ITGBL1: variants seen among roughly 807,000 people sequenced by gnomAD.
ITGBL1 encodes the protein integrin subunit beta like 1.
Under a neutral mutation model 68.5 loss-of-function variants are expected in ITGBL1, and 51 were observed. That is an observed-to-expected ratio of 0.74 (90% CI 0.59 to 0.94). The LOEUF is 0.94. Ranked by LOEUF, ITGBL1 falls within the 40% of genes least tolerant of loss-of-function variation. The pLI is 0.00. For synonymous variants in ITGBL1, 209 were observed against 227.3 expected, an observed-to-expected ratio of 0.92 and a Z score of 0.72; for missense variants, 649 against 647.4, an observed-to-expected ratio of 1.00 and a Z score of -0.03.
At chr13:101,593,808 A>G (rs1486410030) in intron 6 of ITGBL1, among the ~76,000 whole-genome samples, 1 of 152,086 alleles carries the variant, frequency 6.6e-6, no homozygotes, top group East Asian at 1.9e-4. Context: ...CCAAGTTACA[A>G]TCAGATAGCA....
intron 7 of ITGBL1, among the ~76,000 whole-genome samples, chr13:101,660,593 C>A (rs1473869441): frequency 6.6e-6 from 1 of 152,132 alleles, no homozygotes; most frequent in East Asian, 1.9e-4. Flanking sequence ...ATCTTCCTAA[C>A]CTGGTGGCCT....
intron 7 of ITGBL1, among the ~76,000 whole-genome samples, chr13:101,675,682 T>C (rs1009220074): frequency 6.6e-6 from 1 of 152,174 alleles, no homozygotes; most frequent in African/African-American, 2.4e-5. Context: ...CTTCAACATA[T>C]AAATTTAGGG....
intron 7 of ITGBL1, among the ~76,000 whole-genome samples, chr13:101,600,129 G>T (rs1205249133): frequency 6.6e-6 from 1 of 152,116 alleles, no homozygotes; most frequent in African/African-American, 2.4e-5. Context: ...GTGGTTTGTA[G>T]TTCTCCTTGA....
intron 2 of ITGBL1, among the ~76,000 whole-genome samples, chr13:101,471,799 T>TG (rs2048464985): frequency 6.6e-6 from 1 of 150,886 alleles, no homozygotes; most frequent in African/African-American, 2.5e-5. Context: ...CAAACATCAC[T>TG]GGGCAAAAGG....
chr13:101,631,506 C>A (rs1025315731), intron 7 of ITGBL1, among the ~76,000 whole-genome samples: 1 of 152,044 alleles, frequency 6.6e-6, no homozygotes, highest in Non-Finnish European at 1.5e-5. Flanking sequence ...CACAGAGAAA[C>A]TGCAGAAGAG....
intron 7 of ITGBL1, among the ~76,000 whole-genome samples, chr13:101,648,390 T>C (rs1262835087): frequency 1.3e-5 from 2 of 152,182 alleles, no homozygotes; most frequent in Non-Finnish European, 2.9e-5. Context: ...ACTCAAGTAG[T>C]GCGTTTAACA....
intron 6 of ITGBL1, among the ~76,000 whole-genome samples, chr13:101,591,592 T>G (rs557816990): frequency 3.9e-5 from 6 of 152,150 alleles, no homozygotes; most frequent in Non-Finnish European, 8.8e-5. Flanking sequence ...TCTACATATG[T>G]GTATTGTCCA....
chr13:101,555,254 C>A (rs2049985534), intron 2 of ITGBL1, among the ~76,000 whole-genome samples: 2 of 152,130 alleles, frequency 1.3e-5, no homozygotes, highest in Admixed American at 1.3e-4. Flanking sequence ...CACATACATG[C>A]ATATTCATTT....
intron 8 of ITGBL1, among the ~76,000 whole-genome samples, chr13:101,699,562 AC>A (rs1036450235): frequency 3.9e-5 from 6 of 152,220 alleles, no homozygotes; most frequent in Admixed American, 1.3e-4. Context: ...CGACTCTCAT[AC>A]TTCTTCTTCC....
intron 7 of ITGBL1, among the ~76,000 whole-genome samples, chr13:101,619,306 A>T (rs763021859): frequency 6.6e-6 from 1 of 152,046 alleles, no homozygotes; most frequent in African/African-American, 2.4e-5. Flanking sequence ...TAATCAAAAG[A>T]TTATACTAGA....
At chr13:101,613,651 GT>G (rs1382695778) in intron 7 of ITGBL1, among the ~76,000 whole-genome samples, 1 of 152,118 alleles carries the variant, frequency 6.6e-6, no homozygotes, top group East Asian at 1.9e-4. Context: ...AAGGGATAAA[GT>G]TTTCTGGAAG....
At chr13:101,696,234 G>A (rs1479037511) in intron 8 of ITGBL1, among the ~76,000 whole-genome samples, 1 of 152,164 alleles carries the variant, frequency 6.6e-6, no homozygotes, top group Non-Finnish European at 1.5e-5. Context: ...GCCTTCAAAG[G>A]AGATTGGTGG....
intron 2 of ITGBL1, among the ~76,000 whole-genome samples, chr13:101,557,914 C>T (rs1013553253): frequency 6.6e-6 from 1 of 151,610 alleles, no homozygotes; most frequent in African/African-American, 2.4e-5. Flanking sequence ...AATGGTGAAA[C>T]GATGTTTCTA....
intron 2 of ITGBL1, among the ~76,000 whole-genome samples, chr13:101,500,137 C>T (rs974322083): frequency 1.3e-5 from 2 of 152,198 alleles, no homozygotes; most frequent in African/African-American, 2.4e-5. Context: ...ATCCAGAATA[C>T]ACTTTGTTTA....
rs66501713 is a variant in ITGBL1 at position 101,671,426 on chromosome 13, G to GTTTTTTTTTTT, written c.1016-21149_1016-21148insTTTTTTTTTTT. Among the ~76,000 whole-genome samples the GTTTTTTTTTTT allele has an allele frequency of 5.7e-3, 646 of 112,574 alleles. 137 individuals are homozygous for GTTTTTTTTTTT. Among genetic ancestry groups the GTTTTTTTTTTT allele is most frequent in the East Asian group, 0.032 (89 of 2,822 alleles). 73.9% of individuals were successfully genotyped at this position (112,574 alleles called of 152,430 possible). On this transcript the variant is annotated intron_variant, in intron 7 of 10. Coordinates refer to ENST00000376180, the MANE Select transcript of ITGBL1 (RefSeq NM_004791.3). ...AGCTATTTGACAAAAGTATACCTTTGTTTTTTTTTTGTTTTTTTTTGTTTT... is the reference window on the plus strand; with the variant it reads ...AGCTATTTGACAAAAGTATACCTTTGTTTTTTTTTTTTTTTTTTTTTGTTTTTTTTTGTTTT...
At chr13:101,703,527 T>C (rs769028329) in intron 8 of ITGBL1, among the ~76,000 whole-genome samples, 8 of 152,200 alleles carry the variant, frequency 5.3e-5, no homozygotes, top group Non-Finnish European at 1.0e-4. Flanking sequence ...CGGGACTAAA[T>C]ATCAAGGCAA....
Position 101,535,965 on chromosome 13 carries a change from T to C in ITGBL1, c.317-31734T>C, listed in dbSNP as rs370907023. On this transcript the variant is annotated intron_variant, in intron 2 of 10. Transcript: ENST00000376180. Reference sequence around the variant, plus strand: ...CTCATGGTTAGTTCTGTACTTTAGCTTTTGAAATAGATTTTGTGTTTGATC... The same window carrying C: ...CTCATGGTTAGTTCTGTACTTTAGCCTTTGAAATAGATTTTGTGTTTGATC... 2.6e-5 allele frequency among the ~76,000 whole-genome samples: 4 copies of C among 152,224 alleles called. No homozygotes were observed. In the East Asian group the frequency reaches 5.8e-4, roughly 22 times the overall value.
At chr13:101,500,984 C>T (rs57323526) in intron 2 of ITGBL1, among the ~76,000 whole-genome samples, 1 of 152,168 alleles carries the variant, frequency 6.6e-6, no homozygotes, top group Non-Finnish European at 1.5e-5. Context: ...TTCCTCCTGA[C>T]AGTAAATGAA....
chr13:101,525,392 T>TA (rs1211644352), intron 2 of ITGBL1, among the ~76,000 whole-genome samples: 1 of 152,022 alleles, frequency 6.6e-6, no homozygotes. Flanking sequence ...AAGAGTACTA[T>TA]AAAAAAAGTT....
Sources: gnomAD v4.1 joint callset for allele counts (sites outside exome capture counted in the v4.1 genomes callset) on GRCh38, gnomAD v4.1.1 for gene constraint, MANE v1.5 for transcripts, NCBI Gene and HGNC (gene_info 2026-07-23, HGNC 2026-07-21) for gene names.